SLC24A2: variants seen among roughly 807,000 people sequenced by gnomAD.
SLC24A2 encodes sodium/potassium/calcium exchanger 2.
A neutral mutation model predicts 62.0 loss-of-function variants in SLC24A2; 36 were observed. The ratio of observed to expected loss-of-function variants is 0.58; its 90% CI spans 0.44 to 0.77. SLC24A2 has a LOEUF of 0.77. Ranked by LOEUF, SLC24A2 falls within the 30% of genes least tolerant of loss-of-function variation. The pLI is 0.00. For synonymous variants in SLC24A2, 358 were observed against 294.0 expected, an observed-to-expected ratio of 1.22 and a Z score of -2.23; for missense variants, 846 against 817.9, an observed-to-expected ratio of 1.03 and a Z score of -0.42.
chr9:19,631,227 G>C (rs1287829174), intron 2 of SLC24A2, among the ~76,000 whole-genome samples: 1 of 152,076 alleles, frequency 6.6e-6, no homozygotes, highest in Non-Finnish European at 1.5e-5. Flanking sequence ...TTTTTAATGA[G>C]CCCATATGCT....
chr9:19,934,140 T>C, the SLC24A2 span, among the ~76,000 whole-genome samples: 9 of 152,320 alleles, frequency 5.9e-5, no homozygotes, highest in African/African-American at 1.9e-4. The surrounding 1 kb of genome is among the most constrained non-coding windows in gnomAD (Gnocchi z 4.1). Context: ...ATACCTTAAT[T>C]TTAAAACAGA....
intron 2 of SLC24A2, among the ~76,000 whole-genome samples, chr9:19,631,826 G>T (rs898763151): frequency 7.9e-5 from 12 of 152,152 alleles, no homozygotes; most frequent in African/African-American, 2.9e-4. Flanking sequence ...GGGACCCTGT[G>T]CCCAGACACT....
At chr9:20,283,298 G>A in the SLC24A2 span, among the ~76,000 whole-genome samples, 2 of 152,196 alleles carry the variant, frequency 1.3e-5, no homozygotes, top group African/African-American at 4.8e-5. Context: ...ATGCTTATGT[G>A]CATAGGAAAC....
chr9:20,003,115 A>AT, the SLC24A2 span, among the ~76,000 whole-genome samples: 1 of 152,230 alleles, frequency 6.6e-6, no homozygotes, highest in Non-Finnish European at 1.5e-5. Flanking sequence ...TGAGGGAAGG[A>AT]TTTTGTGTAA....
the SLC24A2 span, among the ~76,000 whole-genome samples, chr9:20,076,605 T>C: frequency 2.0e-5 from 3 of 151,914 alleles, no homozygotes; most frequent in South Asian, 2.1e-4. Context: ...TCCAGAACAC[T>C]GAGAAAATAA....
At chr9:19,617,938 G>A (rs1002900483) in intron 4 of SLC24A2, among the ~76,000 whole-genome samples, 8 of 152,216 alleles carry the variant, frequency 5.3e-5, no homozygotes, top group Admixed American at 2.0e-4. Flanking sequence ...AGGAATGCAG[G>A]CAAGCGATGG....
intron 2 of SLC24A2, among the ~76,000 whole-genome samples, chr9:19,775,295 A>G (rs1483800951): frequency 1.3e-5 from 2 of 152,240 alleles, no homozygotes; most frequent in African/African-American, 4.8e-5. Context: ...CTGATTTCAT[A>G]ACCTCTCTGC....
chr9:20,208,711 T>C, the SLC24A2 span, among the ~76,000 whole-genome samples: 2 of 152,034 alleles, frequency 1.3e-5, no homozygotes, highest in East Asian at 3.9e-4. Flanking sequence ...CCAGAACGAG[T>C]AGATAGACCC....
the SLC24A2 span, among the ~76,000 whole-genome samples, chr9:20,204,919 C>T: frequency 6.6e-6 from 1 of 151,656 alleles, no homozygotes; most frequent in Admixed American, 6.6e-5. Flanking sequence ...AATTTTTTTT[C>T]TATTTTTAGT....
At chr9:20,250,641 G>A in the SLC24A2 span, among the ~76,000 whole-genome samples, 1 of 151,142 alleles carries the variant, frequency 6.6e-6, no homozygotes, top group African/African-American at 2.4e-5. Context: ...GAACACAAGA[G>A]CCTATGTCAT....
chr9:19,579,141 C>G (rs1836126094), intron 5 of SLC24A2, among the ~76,000 whole-genome samples: 1 of 151,820 alleles, frequency 6.6e-6, no homozygotes, highest in Non-Finnish European at 1.5e-5. Flanking sequence ...TATTTAATTT[C>G]CAAGGGAAAC....
the SLC24A2 span, among the ~76,000 whole-genome samples, chr9:20,088,080 G>T: frequency 0.014 from 2,109 of 152,284 alleles, 49 homozygotes; most frequent in African/African-American, 0.048. Flanking sequence ...GGAACCACAG[G>T]AGCTTTAGAT....
the SLC24A2 span, among the ~76,000 whole-genome samples, chr9:19,851,027 ATTT>A: frequency 1.1e-3 from 60 of 55,214 alleles, no homozygotes; most frequent in Non-Finnish European, 1.7e-3. Flanking sequence ...ATATATACAT[ATTT>A]TTTTTTTTTT....
At chr9:19,556,585 T>C (rs902820488) in intron 7 of SLC24A2, among the ~76,000 whole-genome samples, 8 of 152,170 alleles carry the variant, frequency 5.3e-5, no homozygotes, top group African/African-American at 1.9e-4. Flanking sequence ...CAGGTTTGCC[T>C]AAATCCCAGT....
chr9:20,038,273 T>C, the SLC24A2 span, among the ~76,000 whole-genome samples: 1 of 152,348 alleles, frequency 6.6e-6, no homozygotes, highest in East Asian at 1.9e-4. Context: ...TAAGTGAAGA[T>C]AATAAGACAG....
the SLC24A2 span, among the ~76,000 whole-genome samples, chr9:20,290,233 G>A: frequency 6.6e-6 from 1 of 152,174 alleles, no homozygotes; most frequent in Non-Finnish European, 1.5e-5. Flanking sequence ...AACCAACAAT[G>A]TAGAAAACCC....
the SLC24A2 span, among the ~76,000 whole-genome samples, chr9:19,934,765 C>G: frequency 6.6e-6 from 1 of 152,146 alleles, no homozygotes; most frequent in Non-Finnish European, 1.5e-5. This position sits in a 1 kb window ranked among gnomAD's most constrained non-coding sequence, Gnocchi z 4.1. Flanking sequence ...TTTTGCTGGT[C>G]GCCAGCCTCT....
At chr9:19,591,123 A>C (rs1836536792) in intron 5 of SLC24A2, among the ~76,000 whole-genome samples, 1 of 152,128 alleles carries the variant, frequency 6.6e-6, no homozygotes, top group African/African-American at 2.4e-5. Flanking sequence ...GCTAGGTATT[A>C]TAGTCCAGTT....
At chr9:19,668,597 C>T (rs1350509459) in intron 2 of SLC24A2, among the ~76,000 whole-genome samples, 1 of 152,132 alleles carries the variant, frequency 6.6e-6, no homozygotes, top group African/African-American at 2.4e-5. Flanking sequence ...TGCAGTGGCG[C>T]CATCCATCAT....
Sources: allele counts gnomAD v4.1 joint callset (sites outside exome capture counted in the v4.1 genomes callset), GRCh38; gene constraint gnomAD v4.1.1; non-coding constraint Gnocchi (gnomAD v3.1); transcripts MANE v1.5; gene names NCBI Gene and HGNC (gene_info 2026-07-23, HGNC 2026-07-21).